The following FRK variants were observed in gnomAD, a reference collection of about 807,000 sequenced individuals.
The protein encoded by FRK is fyn related Src family tyrosine kinase, also known as tyrosine-protein kinase FRK.
FRK carries 51 observed loss-of-function variants against 56.4 expected under a neutral mutation model. The ratio of observed to expected loss-of-function variants is 0.90; its 90% CI spans 0.72 to 1.14. The LOEUF (loss-of-function observed/expected upper bound fraction) is 1.14. Among genes scored for constraint, FRK ranks in the 50% most tolerant of loss-of-function variants. FRK has a pLI of 0.00. For synonymous variants in FRK, 245 were observed against 217.9 expected (o/e 1.12, Z -1.10); for missense variants, 570 against 601.4 (o/e 0.95, Z 0.55).
chr6:116,028,138 C>T (rs530010850), intron 1 of FRK, among the ~76,000 whole-genome samples: 1 of 152,240 alleles, frequency 6.6e-6, no homozygotes, highest in South Asian at 2.1e-4. Flanking sequence ...GGGTTTTCTG[C>T]AATTTAACTC....
chr6:115,965,289 A>G (rs2114592640), intron 4 of FRK, among the ~76,000 whole-genome samples: 1 of 82,410 alleles, frequency 1.2e-5, no homozygotes, highest in African/African-American at 4.7e-5. Context: ...GCCAAAAAAC[A>G]CATGAAAAAA....
At chr6:116,095,310 G>A in the FRK span, among the ~76,000 whole-genome samples, 1 of 152,136 alleles carries the variant, frequency 6.6e-6, no homozygotes, top group African/African-American at 2.4e-5. Flanking sequence ...CCTAATAATT[G>A]GTCTGCTCAA....
chr6:116,081,200 A>G, the FRK span, among the ~76,000 whole-genome samples: 1 of 152,178 alleles, frequency 6.6e-6, no homozygotes, highest in Non-Finnish European at 1.5e-5. Context: ...GGATTATGGG[A>G]GCAACAGTTC....
rs183939884 is a variant in FRK, at chr6:115,994,731, A to G, written c.466+9146T>C. On this transcript the variant is annotated intron_variant, in intron 2 of 7. Coordinates refer to ENST00000606080, the MANE Select transcript of FRK (RefSeq NM_002031.3). ...TGGGAGGCGATTAAATTTAAATGAG[A>G]ACATGAGGGGTGGAGCCTCCATAAT... Among the ~76,000 whole-genome samples, 1,006 of 152,196 alleles carry G rather than the reference A, an allele frequency of 6.6e-3. 5 individuals carry two copies. Among genetic ancestry groups the G allele is most frequent in the Non-Finnish European group, 7.9e-3 (538 of 67,992 alleles).
the FRK span, among the ~76,000 whole-genome samples, chr6:116,078,787 G>A: frequency 6.6e-6 from 1 of 152,132 alleles, no homozygotes; most frequent in African/African-American, 2.4e-5. Flanking sequence ...GACTTTTACA[G>A]AATTCAACTT....
intron 5 of FRK, among the ~76,000 whole-genome samples, chr6:115,947,137 G>C (rs1296787816): frequency 2.6e-5 from 4 of 152,076 alleles, no homozygotes; most frequent in Admixed American, 6.6e-5. Context: ...GGGGTTTCTA[G>C]GGTGCTGGCC....
chr6:115,942,173 G>A lies in FRK; in HGVS notation c.*241C>T. On this transcript the variant is annotated 3_prime_UTR_variant, in exon 8 of 8. Coordinates refer to ENST00000606080, the MANE Select transcript of FRK (RefSeq NM_002031.3). ...ATCTCTTAAAAAGAAAAATAACTTG[G>A]TTTAGTGTGCTTAATTTTACCAGGC... 2.5e-6 allele frequency: 1 copy of A among 399,776 alleles called. No individual in the cohort carries two copies. Among genetic ancestry groups the A allele is most frequent in the South Asian group, 2.9e-5 (1 of 34,856 alleles). 24.8% of individuals were successfully genotyped at this position (399,776 alleles called of 1,614,324 possible). A position where few individuals can be genotyped will look rare whatever the true frequency, so the allele number is the denominator to read the frequency against.
chr6:116,028,595 T>C (rs1776186684), intron 1 of FRK, among the ~76,000 whole-genome samples: 1 of 152,142 alleles, frequency 6.6e-6, no homozygotes, highest in Non-Finnish European at 1.5e-5. Flanking sequence ...TTGGCAGTCT[T>C]TGGCATCCCT....
rs1397089325 is a variant in FRK at position 115,934,760 on chromosome 6, A to G, written c.*7654T>C. ...CTTTCTCATGGCTTGTTTCATTCCT[A>G]TTGCTTTACACTGGAAGATCTTTGA... On this transcript the variant is annotated 3_prime_UTR_variant, in exon 8 of 8. Coordinates refer to ENST00000606080, the MANE Select transcript of FRK (RefSeq NM_002031.3). The G allele has an allele frequency of 6.6e-6, 1 of 152,128 alleles. No homozygotes were observed. Among genetic ancestry groups the G allele is most frequent in the Non-Finnish European group, 1.5e-5 (1 of 68,016 alleles). The allele number at this position is 152,128 out of a possible 1,614,324, so 9.4% of individuals were successfully genotyped here.
At chr6:116,033,540 T>G (rs1181250139) in intron 1 of FRK, among the ~76,000 whole-genome samples, 1 of 152,114 alleles carries the variant, frequency 6.6e-6, no homozygotes, top group Non-Finnish European at 1.5e-5. Context: ...TAAACAAATT[T>G]TATAAAATCA....
In FRK at chr6:115,968,633, G is replaced by T; in HGVS notation, c.573C>A (p.Ser191Arg). The T allele has an allele frequency of 6.2e-7, 1 of 1,613,828 alleles. No individual in the cohort carries two copies. The highest frequency in any genetic ancestry group is 8.5e-7 in the Non-Finnish European group (1 of 1,179,838). ...RIFSTLNEFV[S>R]HYTKTSDGLC... is the part of the protein sequence containing the mutation. ...GGCCGTCACTTGTCTTGGTGTAGTG[G>T]CTCACAAATTCGTTCAGTGTTGAAA... The change falls in exon 3 of 8, where the codon AGC (serine) becomes AGA (arginine). Residue 191 changes from serine (S) to arginine (R), a missense_variant. By Grantham distance (110) the Ser-to-Arg change is moderately radical. Transcript: ENST00000606080.
chr6:116,083,372 C>T, the FRK span, among the ~76,000 whole-genome samples: 1 of 151,984 alleles, frequency 6.6e-6, no homozygotes, highest in African/African-American at 2.4e-5. Flanking sequence ...AAAAAAAAAG[C>T]TTTGTTTTGT....
At chr6:115,958,933 C>T (rs564387374) in intron 4 of FRK, among the ~76,000 whole-genome samples, 3 of 152,130 alleles carry the variant, frequency 2.0e-5, no homozygotes, top group East Asian at 3.9e-4. Flanking sequence ...ATACAGGACA[C>T]TCAAACTCAT....
intron 1 of FRK, among the ~76,000 whole-genome samples, chr6:116,019,058 G>T (rs1016306025): frequency 1.3e-5 from 2 of 152,130 alleles, no homozygotes; most frequent in South Asian, 4.1e-4. Flanking sequence ...GCAAGGCAAG[G>T]GGCTTGTGGT....
At chr6:116,087,242 C>T in the FRK span, among the ~76,000 whole-genome samples, 59 of 152,188 alleles carry the variant, frequency 3.9e-4, 1 homozygote, top group African/African-American at 1.3e-3. Flanking sequence ...GTGCCTGGCA[C>T]GCAGTATATT....
At chr6:116,091,574 A>G in the FRK span, among the ~76,000 whole-genome samples, 5 of 152,304 alleles carry the variant, frequency 3.3e-5, no homozygotes, top group African/African-American at 1.2e-4. Flanking sequence ...TTTGGCAACC[A>G]TGAAGGGACT....
rs924983260 is a variant in FRK at position 115,938,999 on chromosome 6, C to T, written c.*3415G>A. On this transcript the variant is annotated 3_prime_UTR_variant, in exon 8 of 8. Coordinates refer to ENST00000606080, the MANE Select transcript of FRK (RefSeq NM_002031.3). ...TTATGAGGCCAGCATCATCCTGAAACCAAAACCTGGCAGAGACACAACAAA... is the reference window on the plus strand; with the variant it reads ...TTATGAGGCCAGCATCATCCTGAAATCAAAACCTGGCAGAGACACAACAAA... 1.6e-4 allele frequency: 24 copies of T among 151,394 alleles called. No individual in the cohort carries two copies. The highest frequency in any genetic ancestry group is 5.8e-4 in the African/African-American group (24 of 41,072). The allele number at this position is 151,394 out of a possible 1,614,324, so 9.4% of individuals were successfully genotyped here. A position where few individuals can be genotyped will look rare whatever the true frequency, so the allele number is the denominator to read the frequency against.
chr6:116,056,734 C>T lies in FRK; in HGVS notation c.344+3234G>A, dbSNP rs186150823. ...AATAAGACCCTAAGGGCAAGGTTTT[C>T]GAGGGATTTCACATTGAAGATGTTG... On this transcript the variant is annotated intron_variant, in intron 1 of 7. Coordinates refer to ENST00000606080, the MANE Select transcript of FRK (RefSeq NM_002031.3). 2.6e-3 allele frequency among the ~76,000 whole-genome samples: 393 copies of T among 152,100 alleles called. 12 individuals carry two copies. The South Asian group carries it at 0.044, about 17-fold the overall frequency.
Position 115,960,440 on chromosome 6 carries a change from A to C in FRK, c.800-3830T>G, listed in dbSNP as rs1018392918. Among the ~76,000 whole-genome samples, 436 of 150,460 alleles carry C rather than the reference A, an allele frequency of 2.9e-3. 1 individual carries two copies. Among genetic ancestry groups the C allele is most frequent in the Admixed American group, 5.1e-3 (77 of 15,182 alleles). ...TTGCTAGCACAGCAGTCTGAGATCA[A>C]ACTGCAAGGCGGCAGCGAGGCTGGG... On this transcript the variant is annotated intron_variant, in intron 4 of 7. Coordinates refer to ENST00000606080, the MANE Select transcript of FRK (RefSeq NM_002031.3).
Sources: allele counts gnomAD v4.1 joint callset (sites outside exome capture counted in the v4.1 genomes callset), GRCh38; gene constraint gnomAD v4.1.1; transcripts MANE v1.5; gene names NCBI Gene and HGNC (gene_info 2026-07-23, HGNC 2026-07-21).